DOCK10: variants seen among roughly 807,000 people sequenced by gnomAD.
DOCK10 encodes dedicator of cytokinesis 10.
Under a neutral mutation model 280.1 loss-of-function variants are expected in DOCK10, and 145 were observed. The observed-to-expected ratio is 0.52, with a 90% CI of 0.45 to 0.59. The LOEUF (loss-of-function observed/expected upper bound fraction) is 0.59. Ranked by LOEUF, DOCK10 falls within the 20% of genes least tolerant of loss-of-function variation. DOCK10 has a pLI of 0.00. For missense variants in DOCK10, 2,368 were observed against 2,651.7 expected (o/e 0.89, Z 2.35); for synonymous variants, 915 against 942.2 (o/e 0.97, Z 0.53).
chr2:224,830,332 T>G (rs2125390756), intron 27 of DOCK10, among the ~76,000 whole-genome samples: 1 of 152,336 alleles, frequency 6.6e-6, no homozygotes, highest in Middle Eastern at 3.4e-3. Flanking sequence ...ATACATCTTT[T>G]GCACTTCCAA....
intron 25 of DOCK10, 152 bp downstream of exon 25, chr2:224,837,610 G>A: frequency 1.6e-6 from 1 of 620,072 alleles, no homozygotes; most frequent in Non-Finnish European, 2.9e-6. Flanking sequence ...GCAAAGAGAT[G>A]GAATTCTAAG....
intron 1 of DOCK10, chr2:224,982,171 C>A (rs903708541): frequency 8.2e-7 from 1 of 1,223,534 alleles, no homozygotes; most frequent in Non-Finnish European, 1.0e-6. Context: ...AATAACAGTT[C>A]AATCCACTGA....
chr2:224,877,642 T>G (rs931495054), intron 7 of DOCK10, among the ~76,000 whole-genome samples: 5 of 152,138 alleles, frequency 3.3e-5, no homozygotes, highest in African/African-American at 7.2e-5. Context: ...GATTGGGTGG[T>G]CAGAAGCAGG....
chr2:224,933,970 T>C (rs557057879), intron 1 of DOCK10, among the ~76,000 whole-genome samples: 1 of 152,308 alleles, frequency 6.6e-6, no homozygotes, highest in East Asian at 1.9e-4. Context: ...TACCCCAATG[T>C]TACCTAAAAT....
intron 1 of DOCK10, among the ~76,000 whole-genome samples, chr2:225,031,444 T>A (rs1690071800): frequency 6.6e-6 from 1 of 152,168 alleles, no homozygotes; most frequent in South Asian, 2.1e-4. Flanking sequence ...AGGAGGACAA[T>A]GTGGGCACAG....
At chr2:224,972,713 T>G (rs1163981800) in intron 1 of DOCK10, among the ~76,000 whole-genome samples, 2 of 152,198 alleles carry the variant, frequency 1.3e-5, no homozygotes, top group South Asian at 4.1e-4. Context: ...TCCTAAACAT[T>G]CAAGCTTTTG....
At chr2:224,852,792 C>A in intron 17 of DOCK10, 143 bp downstream of exon 17, 1 of 635,446 alleles carries the variant, frequency 1.6e-6, no homozygotes, top group Admixed American at 3.4e-5. Context: ...TCATCAGTGC[C>A]TCTTACTAAA....
At chr2:224,905,064 T>C (rs1014739921) in intron 3 of DOCK10, among the ~76,000 whole-genome samples, 3 of 152,128 alleles carry the variant, frequency 2.0e-5, no homozygotes, top group African/African-American at 7.2e-5. Context: ...TAAATGCCAC[T>C]TGTCTGAGTC....
intron 31 of DOCK10, among the ~76,000 whole-genome samples, chr2:224,810,550 T>C (rs1693694260): frequency 6.6e-6 from 1 of 151,932 alleles, no homozygotes; most frequent in Non-Finnish European, 1.5e-5. Context: ...TTGTTACATA[T>C]GTATACATGT....
intron 26 of DOCK10, among the ~76,000 whole-genome samples, chr2:224,833,260 G>A (rs1695356054): frequency 6.6e-6 from 1 of 151,682 alleles, no homozygotes; most frequent in Non-Finnish European, 1.5e-5. Flanking sequence ...GAGTGGGAAC[G>A]CCTGGCCTAT....
intron 2 of DOCK10, among the ~76,000 whole-genome samples, chr2:224,928,016 T>C (rs754888206): frequency 1.5e-4 from 23 of 152,144 alleles, no homozygotes; most frequent in Non-Finnish European, 2.4e-4. Context: ...TCCGTGGAGA[T>C]TGACTCCACA....
intron 1 of DOCK10, among the ~76,000 whole-genome samples, chr2:224,981,010 T>A (rs1705719405): frequency 6.6e-6 from 1 of 152,142 alleles, no homozygotes; most frequent in Admixed American, 6.5e-5. Context: ...AAATAAGACT[T>A]ACTGGTATAG....
rs149895274 is a variant in DOCK10 at position 224,902,481 on chromosome 2, T to C, written c.334-6104A>G. Among the ~76,000 whole-genome samples the C allele has an allele frequency of 2.0e-5, 3 of 152,344 alleles. No individual in the cohort carries two copies. In the East Asian group the frequency reaches 5.8e-4, roughly 29 times the overall value. On this transcript the variant is annotated intron_variant, in intron 3 of 55. Coordinates refer to ENST00000258390, the MANE Select transcript of DOCK10 (RefSeq NM_014689.3). Reference sequence around the variant, plus strand: ...AGTTGAGAAGTAATTGTGGCTATTGTATAAATGTTGAAAATGAAGCATCAT... The same window carrying C: ...AGTTGAGAAGTAATTGTGGCTATTGCATAAATGTTGAAAATGAAGCATCAT...
intron 1 of DOCK10, among the ~76,000 whole-genome samples, chr2:224,967,143 G>A (rs1226560483): frequency 1.3e-5 from 2 of 150,716 alleles, no homozygotes; most frequent in Non-Finnish European, 2.9e-5. Flanking sequence ...GCAGTGGCGA[G>A]ATCTCGGCTC....
chr2:224,822,996 CT>C (rs750802136), intron 28 of DOCK10, among the ~76,000 whole-genome samples: 144 of 140,898 alleles, frequency 1.0e-3, no homozygotes, highest in Admixed American at 1.6e-3. Flanking sequence ...TTCTTCCTGT[CT>C]TTTTTTTTTT....
intron 1 of DOCK10, among the ~76,000 whole-genome samples, chr2:225,030,969 C>G (rs1160966653): frequency 6.6e-6 from 1 of 152,168 alleles, no homozygotes; most frequent in Admixed American, 6.5e-5. Flanking sequence ...CATGCCTAAT[C>G]TATACTCCTG....
chr2:225,035,561 T>G lies in DOCK10; in HGVS notation c.123+6691A>C, dbSNP rs1381236181. Among the ~76,000 whole-genome samples, 45 of 52,636 alleles carry G rather than the reference T, an allele frequency of 8.5e-4. 4 individuals carry two copies. Among genetic ancestry groups the G allele is most frequent in the South Asian group, 3.2e-3 (3 of 950 alleles). 34.5% of individuals were successfully genotyped at this position (52,636 alleles called of 152,430 possible). On this transcript the variant is annotated intron_variant, in intron 1 of 55. Coordinates refer to ENST00000258390, the MANE Select transcript of DOCK10 (RefSeq NM_014689.3). ...TATATATTATATATATATATATATA[T>G]ATATATATATATATATATATATATA...
At chr2:225,009,966 C>T (rs1436240382) in intron 1 of DOCK10, among the ~76,000 whole-genome samples, 1 of 152,124 alleles carries the variant, frequency 6.6e-6, no homozygotes, top group Non-Finnish European at 1.5e-5. Context: ...GCCCCAAACA[C>T]TCAGGGGCAT....
chr2:224,972,405 C>A (rs763275188), intron 1 of DOCK10, among the ~76,000 whole-genome samples: 1 of 152,146 alleles, frequency 6.6e-6, no homozygotes, highest in Non-Finnish European at 1.5e-5. Context: ...TACTTTCTAC[C>A]TTTATGACCC....
Sources: allele counts gnomAD v4.1 joint callset (sites outside exome capture counted in the v4.1 genomes callset), GRCh38; gene constraint gnomAD v4.1.1; transcripts MANE v1.5; gene names NCBI Gene and HGNC (gene_info 2026-07-23, HGNC 2026-07-21).